The following B4GALT6 variants were observed in gnomAD, a reference collection of about 807,000 sequenced individuals.
B4GALT6 encodes beta-1,4-galactosyltransferase 6, also known as UDP-Gal:beta-GlcNAc beta-1,4-galactosyltransferase 6.
A neutral mutation model predicts 46.3 loss-of-function variants in B4GALT6; 14 were observed. The observed-to-expected ratio is 0.30, with a 90% CI of 0.20 to 0.47. The LOEUF (loss-of-function observed/expected upper bound fraction) is 0.47. Among genes scored for constraint, B4GALT6 ranks in the 20% least tolerant of loss-of-function variants. The pLI is 0.99. For synonymous variants in B4GALT6, 168 were observed against 162.0 expected (o/e 1.04, Z -0.28); for missense variants, 386 against 480.1 (o/e 0.80, Z 1.83).
intron 5 of B4GALT6, among the ~76,000 whole-genome samples, chr18:31,634,497 A>G (rs543667258): frequency 6.6e-6 from 1 of 152,332 alleles, no homozygotes; most frequent in Admixed American, 6.5e-5. Context: ...GGGTTTGCAC[A>G]TCCTCTGTTC....
intron 1 of B4GALT6, among the ~76,000 whole-genome samples, chr18:31,675,694 G>C (rs2074406944): frequency 6.6e-6 from 1 of 152,110 alleles, no homozygotes; most frequent in Non-Finnish European, 1.5e-5. Context: ...AAGAATGCAG[G>C]AAATTAAACA....
the B4GALT6 span, among the ~76,000 whole-genome samples, chr18:31,719,608 A>T: frequency 6.6e-6 from 1 of 152,218 alleles, no homozygotes; most frequent in Non-Finnish European, 1.5e-5. Flanking sequence ...TAATTCATGC[A>T]GAGCCAGCTG....
intron 6 of B4GALT6, among the ~76,000 whole-genome samples, chr18:31,627,832 T>C (rs367928593): frequency 1.1e-3 from 165 of 152,342 alleles, no homozygotes; most frequent in African/African-American, 3.9e-3. Context: ...TGTTTAGGTA[T>C]AGATTGGCTT....
At chr18:31,694,367 G>A in the B4GALT6 span, among the ~76,000 whole-genome samples, 4 of 152,332 alleles carry the variant, frequency 2.6e-5, no homozygotes, top group East Asian at 5.8e-4. Flanking sequence ...GTAGGTGGAA[G>A]TACTACTGCT....
the B4GALT6 span, among the ~76,000 whole-genome samples, chr18:31,696,034 A>C: frequency 6.6e-6 from 1 of 152,242 alleles, no homozygotes; most frequent in Non-Finnish European, 1.5e-5. Context: ...TAAAACTTCA[A>C]ATGAATTTTA....
At chr18:31,700,658 G>A in the B4GALT6 span, among the ~76,000 whole-genome samples, 9 of 152,104 alleles carry the variant, frequency 5.9e-5, no homozygotes, top group South Asian at 4.2e-4. Flanking sequence ...GGGTTTCACC[G>A]TGTTAGCCAG....
At position 31,658,006 on chromosome 18, in the gene B4GALT6, G is replaced by C; in HGVS notation, c.316C>G (p.Leu106Val). 1 of 1,613,446 alleles carries C rather than the reference G, an allele frequency of 6.2e-7. No individual in the cohort carries two copies. Among genetic ancestry groups the C allele is most frequent in the Non-Finnish European group, 8.5e-7 (1 of 1,179,634 alleles). Residue 106 changes from leucine to valine, a missense_variant, in exon 3 of 9, where the codon CTC (leucine) becomes GTC (valine). By Grantham distance (32) the Leu-to-Val change is conservative (BLOSUM62 1). Coordinates refer to ENST00000306851, the MANE Select transcript of B4GALT6 (RefSeq NM_004775.5). ...TAAGGCAGCTTTTCTGGACAGGGGA[G>C]GTATGGTGAGTATGTGAAGTTTTCC... ...LPENFTYSPY[L>V]PCPEKLPYMR...
chr18:31,635,387 T>C (rs1165027303), intron 5 of B4GALT6, among the ~76,000 whole-genome samples: 1 of 152,170 alleles, frequency 6.6e-6, no homozygotes, highest in Admixed American at 6.5e-5. Context: ...TGAAAGTAGA[T>C]GAGAATTTCC....
chr18:31,643,762 A>T (rs2073958046), intron 4 of B4GALT6, among the ~76,000 whole-genome samples: 1 of 152,224 alleles, frequency 6.6e-6, no homozygotes. Flanking sequence ...CATCTGGTAT[A>T]GATCACTAGA....
chr18:31,669,923 T>G (rs2074330439), intron 1 of B4GALT6, among the ~76,000 whole-genome samples: 1 of 152,144 alleles, frequency 6.6e-6, no homozygotes. Context: ...GGCAAAAAAC[T>G]TGTACTTCCA....
At chr18:31,681,336 A>G (rs527575707) in intron 1 of B4GALT6, among the ~76,000 whole-genome samples, 1 of 152,356 alleles carries the variant, frequency 6.6e-6, no homozygotes, top group African/African-American at 2.4e-5. Context: ...TAGACACAGA[A>G]TAAGAAATAA....
chr18:31,721,494 C>A, the B4GALT6 span, among the ~76,000 whole-genome samples: 3 of 152,132 alleles, frequency 2.0e-5, no homozygotes, highest in African/African-American at 2.4e-5. Flanking sequence ...CTTGACTAGG[C>A]AAGGGTGTGC....
intron 3 of B4GALT6, among the ~76,000 whole-genome samples, chr18:31,650,312 G>A (rs569839309): frequency 1.3e-5 from 2 of 152,302 alleles, no homozygotes; most frequent in Admixed American, 1.3e-4. Context: ...CACGTTTATG[G>A]CCACTGGCTT....
At chr18:31,669,676 T>A (rs191667026) in intron 1 of B4GALT6, among the ~76,000 whole-genome samples, 2 of 152,080 alleles carry the variant, frequency 1.3e-5, no homozygotes, top group Non-Finnish European at 1.5e-5. Flanking sequence ...AAATGTTCAA[T>A]AGAAGACAAG....
intron 1 of B4GALT6, among the ~76,000 whole-genome samples, chr18:31,671,463 A>C (rs558283868): frequency 6.6e-6 from 1 of 152,276 alleles, no homozygotes; most frequent in African/African-American, 2.4e-5. Context: ...ATGGTATCTC[A>C]CTGTGGTTTT....
intron 5 of B4GALT6, among the ~76,000 whole-genome samples, chr18:31,635,180 G>A (rs1249449360): frequency 6.6e-6 from 1 of 151,696 alleles, no homozygotes; most frequent in African/African-American, 2.4e-5. Flanking sequence ...GCAGTGAGCC[G>A]AGATCACGCC....
chr18:31,700,468 T>TGTGTGTGTGTGAGA, the B4GALT6 span, among the ~76,000 whole-genome samples: 38 of 148,394 alleles, frequency 2.6e-4, no homozygotes, highest in East Asian at 4.9e-3. Flanking sequence ...TGTGTGTGTG[T>TGTGTGTGTGTGAGA]GAGAGAGAGA....
At chr18:31,684,048 T>A (rs910347627) in intron 1 of B4GALT6, among the ~76,000 whole-genome samples, 6 of 152,202 alleles carry the variant, frequency 3.9e-5, no homozygotes, top group African/African-American at 1.4e-4. Context: ...TCCCGGGCCA[T>A]CACACTAATT....
chr18:31,643,036 TTTC>T (rs1277212959), intron 4 of B4GALT6, among the ~76,000 whole-genome samples: 2 of 152,232 alleles, frequency 1.3e-5, no homozygotes, highest in African/African-American at 2.4e-5. Flanking sequence ...AATCTAGTTA[TTTC>T]TTATTTCCCT....
Sources: gnomAD v4.1 joint callset for allele counts (sites outside exome capture counted in the v4.1 genomes callset) on GRCh38, gnomAD v4.1.1 for gene constraint, MANE v1.5 for transcripts, NCBI Gene and HGNC (gene_info 2026-07-23, HGNC 2026-07-21) for gene names.